The following SLC8A1 variants were observed in gnomAD, a reference collection of about 807,000 sequenced individuals.
SLC8A1 encodes solute carrier family 8 member A1.
In SLC8A1, 18 loss-of-function variants were observed where a neutral mutation model predicts 68.3. The ratio of observed to expected loss-of-function variants is 0.26; its 90% CI spans 0.18 to 0.39. The LOEUF is 0.39. Among genes scored for constraint, SLC8A1 ranks in the 10% least tolerant of loss-of-function variants. SLC8A1 has a pLI of 1.00. For missense variants in SLC8A1, 985 were observed against 1,156.7 expected (o/e 0.85, Z 2.15); for synonymous variants, 475 against 415.5 (o/e 1.14, Z -1.74).
At position 40,361,887 on chromosome 2, in the gene SLC8A1, C is replaced by CTTTTTTTTTTTTTT. The variant is rs1172909749; in HGVS notation, c.1808+66572_1808+66585dup. 4.0e-4 allele frequency among the ~76,000 whole-genome samples: 21 copies of CTTTTTTTTTTTTTT among 53,124 alleles called. 5 individuals are homozygous for CTTTTTTTTTTTTTT. Among genetic ancestry groups the CTTTTTTTTTTTTTT allele is most frequent in the African/African-American group, 5.3e-4 (6 of 11,308 alleles). The allele number at this position is 53,124 out of a possible 152,430, so 34.9% of individuals were successfully genotyped here. A position where few individuals can be genotyped will look rare whatever the true frequency, so the allele number is the denominator to read the frequency against. ...GTCAGATGTTTATATCTTTTCTTTC[C>CTTTTTTTTTTTTTT]TTTTTTTTTTTTTTTTTTTTTTTTT... On this transcript the variant is annotated intron_variant, in intron 2 of 7. Transcript: ENST00000406785.
chr2:40,492,267 G>A (rs1424335708), intron 1 of SLC8A1, among the ~76,000 whole-genome samples: 16 of 151,918 alleles, frequency 1.1e-4, no homozygotes, highest in African/African-American at 1.7e-4. Context: ...TTTATAAATC[G>A]TGCTGGGAAA....
At chr2:40,342,005 A>T (rs1225019045) in intron 2 of SLC8A1, among the ~76,000 whole-genome samples, 1 of 152,160 alleles carries the variant, frequency 6.6e-6, no homozygotes, top group Admixed American at 6.5e-5. Flanking sequence ...TCAGCATCAT[A>T]TGGGAGCTAT....
chr2:40,443,150 C>G (rs1263549108), intron 1 of SLC8A1, among the ~76,000 whole-genome samples: 1 of 151,900 alleles, frequency 6.6e-6, no homozygotes, highest in Non-Finnish European at 1.5e-5. Context: ...AAATACCTAA[C>G]GCATGCAGAG....
At position 40,183,070 on chromosome 2, in the gene SLC8A1, G is replaced by A. The variant is rs146390103; in HGVS notation, c.1809-5215C>T. On this transcript the variant is annotated intron_variant, in intron 2 of 7. Coordinates refer to ENST00000406785, the Ensembl canonical transcript of SLC8A1. ...AGGCCAGTGGAATGATAGGCTCTTTGCATTTCTTAATTCACAGATCTTCAT... is the reference window on the plus strand; with the variant it reads ...AGGCCAGTGGAATGATAGGCTCTTTACATTTCTTAATTCACAGATCTTCAT... 8.5e-4 allele frequency among the ~76,000 whole-genome samples: 130 copies of A among 152,196 alleles called. 1 individual carries two copies. Among genetic ancestry groups the A allele is most frequent in the African/African-American group, 3.0e-3 (124 of 41,524 alleles).
intron 1 of SLC8A1, among the ~76,000 whole-genome samples, chr2:40,464,559 A>G (rs1703547716): frequency 6.6e-6 from 1 of 152,228 alleles, no homozygotes; most frequent in Admixed American, 6.5e-5. Context: ...CTGTTTCCCA[A>G]TCTTAGCTTC....
intron 2 of SLC8A1, among the ~76,000 whole-genome samples, chr2:40,238,346 C>T (rs529660033): frequency 2.0e-5 from 3 of 152,280 alleles, no homozygotes; most frequent in Non-Finnish European, 2.9e-5. Context: ...GCGCAGTATT[C>T]GGGTGGGAGT....
intron 2 of SLC8A1, among the ~76,000 whole-genome samples, chr2:40,334,573 G>A (rs1285999173): frequency 6.6e-6 from 1 of 152,068 alleles, no homozygotes; most frequent in Non-Finnish European, 1.5e-5. Context: ...ATTCTACCCT[G>A]GAGAAGGAAG....
chr2:40,411,783 A>T (rs904578288), intron 2 of SLC8A1, among the ~76,000 whole-genome samples: 5 of 152,070 alleles, frequency 3.3e-5, no homozygotes, highest in Non-Finnish European at 7.4e-5. Flanking sequence ...GTACACACTA[A>T]AATGTAAAAA....
chr2:40,349,672 G>T (rs1238841275), intron 2 of SLC8A1, among the ~76,000 whole-genome samples: 2 of 152,108 alleles, frequency 1.3e-5, no homozygotes, highest in Non-Finnish European at 2.9e-5. Flanking sequence ...AGTAAGTGAG[G>T]TATTTATCAA....
At chr2:40,486,157 G>A (rs946155166) in intron 1 of SLC8A1, among the ~76,000 whole-genome samples, 13 of 152,006 alleles carry the variant, frequency 8.6e-5, no homozygotes, top group African/African-American at 2.7e-4. Flanking sequence ...CCTGCCTGCC[G>A]CCTTGTGAAA....
chr2:40,477,280 T>G (rs1488863248), intron 1 of SLC8A1, among the ~76,000 whole-genome samples: 1 of 152,152 alleles, frequency 6.6e-6, no homozygotes, highest in Non-Finnish European at 1.5e-5. Flanking sequence ...AGAGAAAACC[T>G]TGTGTTGTAG....
intron 1 of SLC8A1, among the ~76,000 whole-genome samples, chr2:40,482,467 G>C (rs1284415916): frequency 1.3e-5 from 2 of 152,178 alleles, no homozygotes; most frequent in African/African-American, 4.8e-5. Flanking sequence ...CTGAGGGCCT[G>C]AGAAGGAACT....
intron 2 of SLC8A1, among the ~76,000 whole-genome samples, chr2:40,233,130 G>A (rs1384814270): frequency 6.6e-6 from 1 of 152,038 alleles, no homozygotes. Flanking sequence ...GGGATGGCTG[G>A]GTCAAATGGT....
At chr2:40,193,214 T>A (rs957405409) in intron 2 of SLC8A1, among the ~76,000 whole-genome samples, 3 of 152,140 alleles carry the variant, frequency 2.0e-5, no homozygotes, top group Non-Finnish European at 4.4e-5. Flanking sequence ...TGTAGGTGAT[T>A]CAAGCTCATG....
chr2:40,131,211 T>C (rs955995611), intron 7 of SLC8A1, among the ~76,000 whole-genome samples: 22 of 152,146 alleles, frequency 1.4e-4, no homozygotes, highest in African/African-American at 4.8e-4. Flanking sequence ...ATCTAGTAAG[T>C]AGCGGAGGGA....
intron 2 of SLC8A1, among the ~76,000 whole-genome samples, chr2:40,337,934 TG>T (rs2149397196): frequency 6.6e-6 from 1 of 152,312 alleles, no homozygotes; most frequent in African/African-American, 2.4e-5. Context: ...AAAGTCATTT[TG>T]AGGTGTGAAT....
At chr2:40,201,108 C>T (rs2054282956) in intron 2 of SLC8A1, among the ~76,000 whole-genome samples, 1 of 151,196 alleles carries the variant, frequency 6.6e-6, no homozygotes, top group South Asian at 2.1e-4. Context: ...GACCCCCACT[C>T]CCTCAAAAAA....
intron 2 of SLC8A1, among the ~76,000 whole-genome samples, chr2:40,414,660 T>C (rs1693253751): frequency 6.6e-6 from 1 of 152,134 alleles, no homozygotes; most frequent in South Asian, 2.1e-4. Flanking sequence ...CTCTTGGAGG[T>C]TTATTCATTG....
At chr2:40,127,758 G>A (rs1232908936) in intron 7 of SLC8A1, among the ~76,000 whole-genome samples, 2 of 152,174 alleles carry the variant, frequency 1.3e-5, no homozygotes, top group East Asian at 1.9e-4. Context: ...AGAGAGGCAG[G>A]ATGGGGTGGG....
Sources: allele counts gnomAD v4.1 joint callset (sites outside exome capture counted in the v4.1 genomes callset), GRCh38; gene constraint gnomAD v4.1.1; transcripts MANE v1.5; gene names NCBI Gene and HGNC (gene_info 2026-07-23, HGNC 2026-07-21).